The following IL2RG variants were observed in gnomAD, a reference collection of about 807,000 sequenced individuals.
IL2RG encodes the protein cytokine receptor common subunit gamma.
For missense variants in IL2RG, 205 were observed against 272.9 expected, an observed-to-expected ratio of 0.75 and a Z score of 1.75; for synonymous variants, 111 against 108.5, an observed-to-expected ratio of 1.02 and a Z score of -0.15.
In IL2RG at chrX:71,110,716, G is replaced by T. The variant is rs143191053; in HGVS notation, c.270-28C>A. 456 of 1,160,292 alleles carry T rather than the reference G, an allele frequency of 3.9e-4. 2 individuals carry two copies. In the East Asian group the frequency reaches 0.013, roughly 34 times the overall value. ...AGAGGAGAAAGGTTGGAAGGAAGAGGAACAGTGGGGCCAATCTGGGTACTG... is the reference window on the plus strand; with the variant it reads ...AGAGGAGAAAGGTTGGAAGGAAGAGTAACAGTGGGGCCAATCTGGGTACTG... On this transcript the variant is annotated intron_variant, in intron 2 of 7. Transcript: ENST00000374202.
chrX:71,110,551 C>T lies in IL2RG; in HGVS notation c.407G>A (p.Arg136Gln), dbSNP rs753502444. The T allele has an allele frequency of 9.1e-6, 11 of 1,209,874 alleles. No individual in the cohort carries two copies. The South Asian group carries it at 1.2e-4, about 14-fold the overall frequency. The change falls in exon 3 of 8, where the codon CGG (arginine) becomes CAG (glutamine). Residue 136 changes from arginine to glutamine, a missense_variant. Arg to Gln is a conservative substitution (Grantham distance 43). Coordinates refer to ENST00000374202, the MANE Select transcript of IL2RG (RefSeq NM_000206.3). ...QTFVVQLQDP[R>Q]EPRRQATQML... ...CTGTGTGGCCTGTCTCCTGGGTTCC[C>T]GTGGGTCCTGGAGCTGAACAACAAA...
chrX:71,108,751 G>T (rs2092256931), intron 5 of IL2RG, 56 bp from the exon 6 acceptor site: 1 of 811,202 alleles, frequency 1.2e-6, no homozygotes, highest in Non-Finnish European at 1.8e-6. Context: ...CCTACTACAT[G>T]CCAGGCACTG....
chrX:71,111,025 A>C lies in IL2RG; in HGVS notation c.141T>G (p.Thr47=). ...TADFFLTTMP[T]DSLSVSTLPL... ...GCAGAGTGGAAACACTGAGGGAGTCAGTGGGCATAGTGGTCAGGAAGAAAT... is the reference window on the plus strand; with the variant it reads ...GCAGAGTGGAAACACTGAGGGAGTCCGTGGGCATAGTGGTCAGGAAGAAAT... The change falls in exon 2 of 8, where the codon ACT becomes ACG. Residue 47 remains threonine (T), a synonymous_variant. Coordinates refer to ENST00000374202, the MANE Select transcript of IL2RG (RefSeq NM_000206.3). The C allele has an allele frequency of 8.3e-7, 1 of 1,201,439 alleles. No individual in the cohort carries two copies. Among genetic ancestry groups the C allele is most frequent in the South Asian group, 1.8e-5 (1 of 55,516 alleles).
chrX:71,108,826 G>C, intron 5 of IL2RG, 131 bp from the exon 6 acceptor site: 2 of 482,409 alleles, frequency 4.1e-6, no homozygotes, highest in Non-Finnish European at 3.7e-6. Flanking sequence ...TGTGAGGCAG[G>C]AACAATTACC....
chrX:71,108,792 C>T, intron 5 of IL2RG, 97 bp from the exon 6 acceptor site: 1 of 534,623 alleles, frequency 1.9e-6, no homozygotes, highest in Non-Finnish European at 3.2e-6. Flanking sequence ...GACATACTCT[C>T]TGTTTAATCC....
chrX:71,111,203 G>A lies in IL2RG; in HGVS notation c.116-153C>T. On this transcript the variant is annotated intron_variant, in intron 1 of 7. Transcript: ENST00000374202. ...GGCCAGGAGTTTGAGACCAGCCTAG[G>A]CAACATAGTGAGACCCTGCCTCAAA... 3 of 689,998 alleles carry A rather than the reference G, an allele frequency of 4.3e-6. No homozygotes were observed. In the South Asian group the frequency reaches 7.3e-5, roughly 17 times the overall value. 56.9% of individuals were successfully genotyped at this position (689,998 alleles called of 1,213,427 possible).
chrX:71,110,706 G>A lies in IL2RG; in HGVS notation c.270-18C>T. The A allele has an allele frequency of 8.4e-7, 1 of 1,185,760 alleles. No individual in the cohort carries two copies. The highest frequency in any genetic ancestry group is 3.0e-5 in the East Asian group (1 of 33,725). ...TCTTGTACCTAGAGGAGAAAGGTTG[G>A]AAGGAAGAGGAACAGTGGGGCCAAT... On this transcript the variant is annotated intron_variant, in intron 2 of 7. Coordinates refer to ENST00000374202, the MANE Select transcript of IL2RG (RefSeq NM_000206.3).
At chrX:71,109,144 G>A in intron 5 of IL2RG, 84 bp downstream of exon 5, 2 of 984,349 alleles carry the variant, frequency 2.0e-6, no homozygotes, top group Non-Finnish European at 2.9e-6. Context: ...GGGCTTTAGT[G>A]ACAGGGAAGT....
At chrX:71,109,467 C>T in intron 4 of IL2RG, 77 bp from the exon 5 acceptor site, 2 of 943,194 alleles carry the variant, frequency 2.1e-6, no homozygotes, top group East Asian at 3.2e-5. Context: ...TGAACACCCA[C>T]CAGTGTCATC....
chrX:71,108,755 G>A (rs753068176), intron 5 of IL2RG, 60 bp from the exon 6 acceptor site: 21 of 789,403 alleles, frequency 2.7e-5, no homozygotes, highest in Non-Finnish European at 4.0e-5. Flanking sequence ...CTACATGCCA[G>A]GCACTGGTGC....
chrX:71,110,305 T>C lies in IL2RG; in HGVS notation c.455-10A>G, dbSNP rs748820536. 5.8e-6 allele frequency: 7 copies of C among 1,208,860 alleles called. No individual in the cohort carries two copies. Among genetic ancestry groups the C allele is most frequent in the South Asian group, 5.3e-5 (3 of 56,901 alleles). Reference sequence around the variant, plus strand: ...GGAGCCCAGGGGATCACTGGAGATATGTGTGCATATGTGGTCATTCCCCTG... The same window carrying C: ...GGAGCCCAGGGGATCACTGGAGATACGTGTGCATATGTGGTCATTCCCCTG... On this transcript the variant is annotated splice_polypyrimidine_tract_variant and intron_variant, in intron 3 of 7. Coordinates refer to ENST00000374202, the MANE Select transcript of IL2RG (RefSeq NM_000206.3).
chrX:71,108,142 G>A (rs1437944565), intron 7 of IL2RG, 135 bp downstream of exon 7: 5 of 561,871 alleles, frequency 8.9e-6, no homozygotes, highest in Non-Finnish European at 1.3e-5. Flanking sequence ...TGCCCCATTT[G>A]GTCGGCCACA....
Position 71,108,285 on chromosome X carries a change from T to C in IL2RG, c.916A>G (p.Asn306Asp). 2 of 1,200,154 alleles carry C rather than the reference T, an allele frequency of 1.7e-6. No homozygotes were observed. The highest frequency in any genetic ancestry group is 2.3e-6 in the Non-Finnish European group (2 of 885,042). Residue 306 changes from asparagine (N) to aspartate (D), a missense_variant, in exon 7 of 8, where the codon AAC (asparagine) becomes GAC (aspartate). Asn to Asp is a conservative substitution (Grantham distance 23, BLOSUM62 1). Transcript: ENST00000374202. ...LEDLVTEYHG[N>D]FSAWSGVSKG... ...TATGACAGCGTTCTCACCGAAAAGTTCCCGTGGTATTCAGTAACAAGATCC... is the reference window on the plus strand; with the variant it reads ...TATGACAGCGTTCTCACCGAAAAGTCCCCGTGGTATTCAGTAACAAGATCC...
chrX:71,107,486 A>C lies in IL2RG; in HGVS notation c.*250T>G. Reference sequence around the variant, plus strand: ...GTAGATGGAAAGAGGAAGGGAGGGAAAGAGGGAGGGAGGAAGAATCCTGCG... The same window carrying C: ...GTAGATGGAAAGAGGAAGGGAGGGACAGAGGGAGGGAGGAAGAATCCTGCG... On this transcript the variant is annotated 3_prime_UTR_variant, in exon 8 of 8. Coordinates refer to ENST00000374202, the MANE Select transcript of IL2RG (RefSeq NM_000206.3). 1 of 284,470 alleles carries C rather than the reference A, an allele frequency of 3.5e-6. No individual in the cohort carries two copies. The highest frequency in any genetic ancestry group is 6.2e-6 in the Non-Finnish European group (1 of 160,607). The allele number at this position is 284,470 out of a possible 1,213,427, so 23.4% of individuals were successfully genotyped here.
intron 4 of IL2RG, among the ~76,000 whole-genome samples, chrX:71,109,758 A>C (rs1316611796): frequency 9.1e-6 from 1 of 109,521 alleles, no homozygotes; most frequent in Admixed American, 9.8e-5. Flanking sequence ...AACATGGCAA[A>C]ACCCTGTCTT....
intron 4 of IL2RG, 29 bp downstream of exon 4, chrX:71,110,127 C>G: frequency 8.3e-7 from 1 of 1,206,695 alleles, no homozygotes. Context: ...TTGGCCTTAG[C>G]TGCTACATTC....
At chrX:71,110,727 C>A (rs1204338777) in intron 2 of IL2RG, 39 bp from the exon 3 acceptor site, 2 of 1,133,871 alleles carry the variant, frequency 1.8e-6, no homozygotes, top group Non-Finnish European at 1.2e-6. Flanking sequence ...AACAGTGGGG[C>A]CAATCTGGGT....
At chrX:71,109,194 G>A (rs926720417) in intron 5 of IL2RG, 34 bp downstream of exon 5, 2 of 1,192,418 alleles carry the variant, frequency 1.7e-6, no homozygotes, top group Non-Finnish European at 2.3e-6. Context: ...TGGGGTGTTG[G>A]GCTCATGGAT....
rs758393948 is a variant in IL2RG, at chrX:71,107,925, A to G, written c.925-4T>C. 42 of 1,200,249 alleles carry G rather than the reference A, an allele frequency of 3.5e-5. No individual in the cohort carries two copies. Among genetic ancestry groups the G allele is most frequent in the Non-Finnish European group, 4.6e-5 (41 of 886,623 alleles). On this transcript the variant is annotated splice_region_variant and splice_polypyrimidine_tract_variant and intron_variant, in intron 7 of 7. Coordinates refer to ENST00000374202, the MANE Select transcript of IL2RG (RefSeq NM_000206.3). Reference sequence around the variant, plus strand: ...CCTTAGACACACCACTCCAGGCCTAAAGACAGATATGTCCAGGTCAGGGGT... The same window carrying G: ...CCTTAGACACACCACTCCAGGCCTAGAGACAGATATGTCCAGGTCAGGGGT...
Sources: allele counts gnomAD v4.1 joint callset (sites outside exome capture counted in the v4.1 genomes callset), GRCh38; gene constraint gnomAD v4.1.1; transcripts MANE v1.5; gene names NCBI Gene and HGNC (gene_info 2026-07-23, HGNC 2026-07-21).